GALNT3: variants seen among roughly 807,000 people sequenced by gnomAD.
The protein encoded by GALNT3 is polypeptide N-acetylgalactosaminyltransferase 3, also known as GalNAc transferase 3.
GALNT3 carries 51 observed loss-of-function variants against 69.8 expected under a neutral mutation model. The ratio of observed to expected loss-of-function variants is 0.73; its 90% CI spans 0.58 to 0.92. The LOEUF is 0.92. Ranked by LOEUF, GALNT3 falls within the 40% of genes least tolerant of loss-of-function variation. The pLI is 0.00. For synonymous variants in GALNT3, 265 were observed against 248.5 expected (o/e 1.07, Z -0.63); for missense variants, 711 against 760.0 (o/e 0.94, Z 0.76).
chr2:165,754,239 A>G (rs1346078832), intron 9 of GALNT3, among the ~76,000 whole-genome samples: 1 of 151,478 alleles, frequency 6.6e-6, no homozygotes, highest in African/African-American at 2.4e-5. Flanking sequence ...ACAGGCATGC[A>G]CCACCACGCC....
intron 1 of GALNT3, chr2:165,771,638 G>T (rs1020247084): frequency 6.6e-6 from 1 of 152,092 alleles, no homozygotes; most frequent in Non-Finnish European, 1.5e-5. Context: ...CAAAGGAAAA[G>T]AAAAATAGGA....
chr2:165,792,813 G>A (rs991032514), intron 1 of GALNT3, among the ~76,000 whole-genome samples: 4 of 152,100 alleles, frequency 2.6e-5, no homozygotes, highest in Admixed American at 2.6e-4. Flanking sequence ...ATGGCAGCGT[G>A]TGACTTTAAC....
chr2:165,749,751 C>G lies in GALNT3; in HGVS notation c.1770G>C (p.Glu590Asp), dbSNP rs1186422890. ...AATTGCACTGAGGTACCTTCTGGATCTCCCATATCTGCTCTCCAGTGACAA... is the reference window on the plus strand; with the variant it reads ...AATTGCACTGAGGTACCTTCTGGATGTCCCATATCTGCTCTCCAGTGACAA... The part of the protein sequence containing the change: ...KTVVTGEQIW[E>D]IQKDQLLYNP... The change falls in exon 10 of 11, where the codon GAG becomes GAC. Residue 590 changes from glutamate (E) to aspartate (D), a missense_variant. Coordinates refer to ENST00000392701, the MANE Select transcript of GALNT3 (RefSeq NM_004482.4). 1 of 1,613,336 alleles carries G rather than the reference C, an allele frequency of 6.2e-7. No individual in the cohort carries two copies. Among genetic ancestry groups the G allele is most frequent in the South Asian group, 1.1e-5 (1 of 91,078 alleles).
intron 1 of GALNT3, among the ~76,000 whole-genome samples, chr2:165,772,709 T>C (rs1029582499): frequency 2.0e-5 from 3 of 151,856 alleles, no homozygotes; most frequent in Non-Finnish European, 4.4e-5. Flanking sequence ...TTTAGGCAGT[T>C]AGACAGGAGG....
At chr2:165,749,952 TA>T in intron 9 of GALNT3, 58 bp from the exon 10 acceptor site, 1 of 1,425,488 alleles carries the variant, frequency 7.0e-7, no homozygotes. Flanking sequence ...AGTTGCAAAA[TA>T]AATAAATAAA....
chr2:165,767,258 T>C (rs1446068480), intron 2 of GALNT3, among the ~76,000 whole-genome samples: 1 of 152,046 alleles, frequency 6.6e-6, no homozygotes, highest in East Asian at 1.9e-4. Flanking sequence ...TGTGGTATTT[T>C]ATTTTTAAAG....
Position 165,761,895 on chromosome 2 carries a change from A to G in GALNT3, c.838+10T>C, listed in dbSNP as rs201497875. On this transcript the variant is annotated intron_variant, in intron 4 of 10. Transcript: ENST00000392701. ...AAATGTTACAACCATATCCATACAT[A>G]TATACTTACAGTGAGCATCTAAAAA... The G allele has an allele frequency of 3.2e-5, 52 of 1,613,876 alleles. No individual in the cohort carries two copies. The highest frequency in any genetic ancestry group is 4.0e-5 in the Non-Finnish European group (47 of 1,179,788).
In GALNT3 at chr2:165,749,909, G is replaced by C. The variant is rs1306568080; in HGVS notation, c.1627-15C>G. On this transcript the variant is annotated splice_polypyrimidine_tract_variant and intron_variant, in intron 9 of 10. Transcript: ENST00000392701. Reference sequence around the variant, plus strand: ...TATTCAAAGTACTATGGAAGGAATAGCACTGTTACTGACAAAAGCAACCCA... The same window carrying C: ...TATTCAAAGTACTATGGAAGGAATACCACTGTTACTGACAAAAGCAACCCA... The C allele has an allele frequency of 6.2e-7, 1 of 1,612,778 alleles. No individual in the cohort carries two copies. The highest frequency in any genetic ancestry group is 8.5e-7 in the Non-Finnish European group (1 of 1,179,132).
At chr2:165,769,298 C>T (rs192816010) in intron 2 of GALNT3, among the ~76,000 whole-genome samples, 1,582 of 146,778 alleles carry the variant, frequency 0.011, 36 homozygotes, top group African/African-American at 0.036. Flanking sequence ...CCCAGCTGCT[C>T]GGGAGCCTGA....
At chr2:165,779,999 G>A (rs963307697) in intron 1 of GALNT3, among the ~76,000 whole-genome samples, 12 of 152,284 alleles carry the variant, frequency 7.9e-5, no homozygotes, top group African/African-American at 2.9e-4. Flanking sequence ...AAGAAATCCA[G>A]TATAATGAAC....
chr2:165,761,862 G>A, intron 4 of GALNT3, 43 bp downstream of exon 4: 1 of 1,598,460 alleles, frequency 6.3e-7, no homozygotes, highest in Non-Finnish European at 8.6e-7. Flanking sequence ...TAGAGGGAGA[G>A]GGAGGGAAAA....
chr2:165,761,900 C>T lies in GALNT3; in HGVS notation c.838+5G>A. On this transcript the variant is annotated splice_donor_5th_base_variant and intron_variant, in intron 4 of 10. Coordinates refer to ENST00000392701, the MANE Select transcript of GALNT3 (RefSeq NM_004482.4). Reference sequence around the variant, plus strand: ...TTACAACCATATCCATACATATATACTTACAGTGAGCATCTAAAAATGTGA... The same window carrying T: ...TTACAACCATATCCATACATATATATTTACAGTGAGCATCTAAAAATGTGA... 2 of 1,614,002 alleles carry T rather than the reference C, an allele frequency of 1.2e-6. No individual in the cohort carries two copies. Among genetic ancestry groups the T allele is most frequent in the Non-Finnish European group, 1.7e-6 (2 of 1,179,904 alleles).
At chr2:165,771,200 G>T (rs1451982250) in intron 1 of GALNT3, 2 of 152,348 alleles carry the variant, frequency 1.3e-5, no homozygotes, top group Non-Finnish European at 2.9e-5. Flanking sequence ...AAGGAAGTAA[G>T]GGTATACTGA....
intron 1 of GALNT3, chr2:165,771,412 A>C (rs1279263067): frequency 6.6e-6 from 1 of 152,248 alleles, no homozygotes; most frequent in Non-Finnish European, 1.5e-5. Flanking sequence ...ACAGCATTTA[A>C]TTTGTTGTTA....
chr2:165,758,962 A>G, intron 5 of GALNT3, 98 bp from the exon 6 acceptor site: 1 of 835,350 alleles, frequency 1.2e-6, no homozygotes, highest in Non-Finnish European at 2.1e-6. Flanking sequence ...GCCATATCAC[A>G]TTTTCAAAGC....
At chr2:165,759,146 G>A (rs1239075384) in intron 5 of GALNT3, among the ~76,000 whole-genome samples, 190 bp downstream of exon 5, 4 of 152,142 alleles carry the variant, frequency 2.6e-5, no homozygotes, top group Non-Finnish European at 5.9e-5. Context: ...CTCACTCACT[G>A]CTACCTCTTA....
chr2:165,757,883 T>C (rs186250312), intron 6 of GALNT3, among the ~76,000 whole-genome samples: 18 of 152,288 alleles, frequency 1.2e-4, no homozygotes, highest in African/African-American at 4.3e-4. Flanking sequence ...CACTTAAATA[T>C]CTTAATAATT....
intron 1 of GALNT3, among the ~76,000 whole-genome samples, chr2:165,780,618 C>A (rs1436730079): frequency 2.0e-5 from 3 of 152,020 alleles, no homozygotes; most frequent in African/African-American, 7.3e-5. Context: ...TGTTCAGATT[C>A]ATCTGCAAAT....
chr2:165,756,198 C>G (rs560589989), intron 7 of GALNT3, among the ~76,000 whole-genome samples: 1 of 152,230 alleles, frequency 6.6e-6, no homozygotes, highest in South Asian at 2.1e-4. Flanking sequence ...CCCTTGACTC[C>G]CAATAAATAC....
Sources: allele counts gnomAD v4.1 joint callset (sites outside exome capture counted in the v4.1 genomes callset), GRCh38; gene constraint gnomAD v4.1.1; transcripts MANE v1.5; gene names NCBI Gene and HGNC (gene_info 2026-07-23, HGNC 2026-07-21).